Variants in SRBD1 observed in about 807,000 individuals in gnomAD.
SRBD1 encodes the protein S1 RNA binding domain 1, also known as S1 RNA-binding domain-containing protein 1.
SRBD1 carries 88 observed loss-of-function variants against 115.3 expected under a neutral mutation model. The ratio of observed to expected loss-of-function variants is 0.76; its 90% CI spans 0.64 to 0.91. The LOEUF is 0.91. Among genes scored for constraint, SRBD1 ranks in the 40% least tolerant of loss-of-function variants. The probability of loss-of-function intolerance (pLI) is 0.00; values close to 1 mark genes in which losing one functional copy is unlikely to be tolerated. For synonymous variants in SRBD1, 509 were observed against 407.7 expected (o/e 1.25, Z -2.99); for missense variants, 1,385 against 1,177.4 (o/e 1.18, Z -2.58).
intron 16 of SRBD1, among the ~76,000 whole-genome samples, chr2:45,443,113 G>A (rs940313723): frequency 5.0e-4 from 76 of 152,296 alleles, no homozygotes; most frequent in African/African-American, 1.8e-3. Context: ...GAGACAACGG[G>A]AACAGAGATG....
At chr2:45,597,715 T>C (rs150453107) in intron 4 of SRBD1, among the ~76,000 whole-genome samples, 3 of 152,310 alleles carry the variant, frequency 2.0e-5, no homozygotes, top group South Asian at 2.1e-4. Flanking sequence ...CTTTTGTTCT[T>C]TGAAAGGTCC....
chr2:45,591,927 G>A (rs1315363660), intron 4 of SRBD1, among the ~76,000 whole-genome samples: 1 of 152,116 alleles, frequency 6.6e-6, no homozygotes, highest in African/African-American at 2.4e-5. Context: ...ATATGGTTTG[G>A]CTATGTGCCC....
chr2:45,392,165 A>G (rs1667023753), intron 20 of SRBD1, among the ~76,000 whole-genome samples: 1 of 152,340 alleles, frequency 6.6e-6, no homozygotes, highest in African/African-American at 2.4e-5. Context: ...GAATAGTACA[A>G]TGAACTTGCT....
chr2:45,481,256 T>G (rs1669954114), intron 15 of SRBD1, among the ~76,000 whole-genome samples: 1 of 152,060 alleles, frequency 6.6e-6, no homozygotes, highest in African/African-American at 2.4e-5. Flanking sequence ...TGTCCAGGCT[T>G]TAGAGAGAGA....
chr2:45,605,702 G>C (rs901848210), intron 1 of SRBD1, among the ~76,000 whole-genome samples: 1 of 152,044 alleles, frequency 6.6e-6, no homozygotes, highest in Non-Finnish European at 1.5e-5. Flanking sequence ...TCAGGAGTTC[G>C]AGACCAGCCT....
intron 16 of SRBD1, among the ~76,000 whole-genome samples, chr2:45,445,591 A>G (rs1558400029): frequency 6.7e-6 from 1 of 149,564 alleles, no homozygotes; most frequent in Non-Finnish European, 1.5e-5. Flanking sequence ...TAGAAAAGGA[A>G]TTAGTGTTAG....
rs199799393 is a variant in SRBD1, at chr2:45,599,732, G to A, written c.365C>T (p.Ala122Val). ...AGTCCTTCGAACTGTATGTGGCTGC[G>A]CTGCACATTTCTGTTTTGTCTTGGC... ...KTAKTKQKCA[A>V]QPHTVRRTKK... Residue 122 changes from alanine to valine, a missense_variant, in exon 4 of 21, where the codon GCG becomes GTG. Ala to Val is a moderately conservative substitution (Grantham distance 64). Transcript: ENST00000263736. 8 of 1,614,082 alleles carry A rather than the reference G, an allele frequency of 5.0e-6. No individual in the cohort carries two copies. The highest frequency in any genetic ancestry group is 4.5e-5 in the East Asian group (2 of 44,878).
chr2:45,512,578 C>T (rs1671002314), intron 14 of SRBD1, among the ~76,000 whole-genome samples: 1 of 152,100 alleles, frequency 6.6e-6, no homozygotes. Context: ...ATGTGACAAC[C>T]AACTAGGGCT....
At chr2:45,585,807 G>A (rs748575951) in intron 4 of SRBD1, 33 bp from the exon 5 acceptor site, 1 of 1,528,590 alleles carries the variant, frequency 6.5e-7, no homozygotes, top group South Asian at 1.2e-5. Flanking sequence ...GATTTAAAAT[G>A]CTGAAAATTA....
intron 14 of SRBD1, among the ~76,000 whole-genome samples, chr2:45,535,377 T>A (rs1671734522): frequency 6.6e-6 from 1 of 152,084 alleles, no homozygotes; most frequent in Non-Finnish European, 1.5e-5. Context: ...CGCATGGTGA[T>A]GTCCAGTGGT....
chr2:45,599,746 T>C lies in SRBD1; in HGVS notation c.351A>G (p.Lys117=). 1 of 1,614,226 alleles carries C rather than the reference T, an allele frequency of 6.2e-7. No homozygotes were observed. The highest frequency in any genetic ancestry group is 1.1e-5 in the South Asian group (1 of 91,088). Residue 117 remains lysine, a synonymous_variant, in exon 4 of 21, where the codon AAA becomes AAG. Transcript: ENST00000263736. The stretch of plus-strand genomic sequence containing the variant: ...TATGTGGCTGCGCTGCACATTTCTG[T>C]TTTGTCTTGGCTGTTTTCAGAGTCT... The part of the protein sequence containing the change: ...TVQTLKTAKT[K]QKCAAQPHTV...
Position 45,561,932 on chromosome 2 carries a change from ATT to A in SRBD1, c.1409+719_1409+720del, listed in dbSNP as rs541798840. Among the ~76,000 whole-genome samples, 1,271 of 152,308 alleles carry A rather than the reference ATT, an allele frequency of 8.3e-3. 17 individuals carry two copies. The highest frequency in any genetic ancestry group is 0.028 in the African/African-American group (1,179 of 41,566). On this transcript the variant is annotated intron_variant, in intron 10 of 20. Transcript: ENST00000263736. ...TTATATTGTAATATCCAATAAGTTA[ATT>A]TTTGTTTCCATCATCCTTAAAGAGC...
intron 10 of SRBD1, among the ~76,000 whole-genome samples, chr2:45,560,829 G>A (rs966286030): frequency 2.0e-5 from 3 of 152,032 alleles, no homozygotes; most frequent in Non-Finnish European, 4.4e-5. Flanking sequence ...CAACTAGCCA[G>A]GCATGGTGGG....
chr2:45,590,307 G>A (rs1270904556), intron 4 of SRBD1, among the ~76,000 whole-genome samples: 2 of 152,172 alleles, frequency 1.3e-5, no homozygotes, highest in Non-Finnish European at 2.9e-5. Flanking sequence ...GTTTAGCTTT[G>A]AAACGAAGAC....
intron 1 of SRBD1, among the ~76,000 whole-genome samples, chr2:45,608,196 C>G (rs1374652516): frequency 6.6e-6 from 1 of 152,198 alleles, no homozygotes; most frequent in African/African-American, 2.4e-5. Context: ...TCCCCTAAAT[C>G]AAATATTTCC....
At chr2:45,512,364 G>C (rs1670996230) in intron 14 of SRBD1, among the ~76,000 whole-genome samples, 2 of 152,226 alleles carry the variant, frequency 1.3e-5, no homozygotes, top group Admixed American at 1.3e-4. Context: ...TCTGGACTTA[G>C]AAACTTTCAG....
chr2:45,389,927 C>T (rs190261508), intron 20 of SRBD1, among the ~76,000 whole-genome samples: 78 of 152,160 alleles, frequency 5.1e-4, no homozygotes, highest in Admixed American at 5.1e-3. Flanking sequence ...AACAAATATA[C>T]AAAGCTAAAC....
chr2:45,492,022 G>C (rs546188493), intron 14 of SRBD1, among the ~76,000 whole-genome samples: 5 of 151,934 alleles, frequency 3.3e-5, no homozygotes, highest in Admixed American at 3.3e-4. Flanking sequence ...GGGTTTTGCC[G>C]TGTTGGTCAG....
At chr2:45,435,440 G>C (rs1457588864) in intron 16 of SRBD1, among the ~76,000 whole-genome samples, 3 of 151,894 alleles carry the variant, frequency 2.0e-5, no homozygotes, top group African/African-American at 4.8e-5. Flanking sequence ...TGATATCAGA[G>C]AGAATGAAGC....
Sources: allele counts gnomAD v4.1 joint callset (sites outside exome capture counted in the v4.1 genomes callset), GRCh38; gene constraint gnomAD v4.1.1; transcripts MANE v1.5; gene names NCBI Gene and HGNC (gene_info 2026-07-23, HGNC 2026-07-21).